The following ITPR1 variants were observed in gnomAD, a reference collection of about 807,000 sequenced individuals.
ITPR1 encodes the protein inositol 1,4,5-trisphosphate-gated calcium channel ITPR1.
Under a neutral mutation model 318.4 loss-of-function variants are expected in ITPR1, and 96 were observed. The observed-to-expected ratio is 0.30, with a 90% CI of 0.26 to 0.36. The LOEUF is 0.36. Ranked by LOEUF, ITPR1 falls within the 10% of genes least tolerant of loss-of-function variation. The pLI is 1.00. For synonymous variants in ITPR1, 1,312 were observed against 1,289.9 expected, an observed-to-expected ratio of 1.02 and a Z score of -0.37; for missense variants, 2,440 against 3,460.2, an observed-to-expected ratio of 0.71 and a Z score of 7.40.
chr3:4,629,055 T>C (rs2092930514), intron 5 of ITPR1, among the ~76,000 whole-genome samples: 1 of 131,854 alleles, frequency 7.6e-6, no homozygotes, highest in Admixed American at 7.5e-5. Context: ...CAGTCCAGCA[T>C]GAGGACACCT....
At chr3:4,797,899 C>T (rs2047994445) in intron 53 of ITPR1, among the ~76,000 whole-genome samples, 1 of 152,164 alleles carries the variant, frequency 6.6e-6, no homozygotes, top group African/African-American at 2.4e-5. Context: ...AATCACCATG[C>T]CATTATCATA....
chr3:4,723,518 A>G (rs1304149127), intron 40 of ITPR1, among the ~76,000 whole-genome samples: 2 of 152,138 alleles, frequency 1.3e-5, no homozygotes, highest in African/African-American at 4.8e-5. Context: ...AGTTTAACAG[A>G]GGAAATAGTG....
intron 4 of ITPR1, among the ~76,000 whole-genome samples, chr3:4,525,503 T>C (rs964032706): frequency 6.6e-6 from 1 of 152,252 alleles, no homozygotes; most frequent in African/African-American, 2.4e-5. Flanking sequence ...TAACTTCCTC[T>C]GTAGGAAGAA....
intron 8 of ITPR1, among the ~76,000 whole-genome samples, chr3:4,644,913 G>A (rs2093421054): frequency 6.6e-6 from 1 of 152,156 alleles, no homozygotes; most frequent in Non-Finnish European, 1.5e-5. Context: ...AAAGGAGATT[G>A]TGCGTGTTAG....
chr3:4,563,317 G>A (rs1234273012), intron 4 of ITPR1, among the ~76,000 whole-genome samples: 1 of 152,006 alleles, frequency 6.6e-6, no homozygotes, highest in African/African-American at 2.4e-5. Flanking sequence ...AGACCAGCCC[G>A]GGCAACATAG....
intron 4 of ITPR1, among the ~76,000 whole-genome samples, chr3:4,557,740 T>C (rs1435564758): frequency 6.6e-6 from 1 of 152,184 alleles, no homozygotes; most frequent in Non-Finnish European, 1.5e-5. Context: ...TTTTTTCCTA[T>C]ATCAAAGTTA....
intron 48 of ITPR1, among the ~76,000 whole-genome samples, chr3:4,778,539 C>T (rs949852041): frequency 2.0e-5 from 3 of 152,258 alleles, no homozygotes; most frequent in East Asian, 1.9e-4. Context: ...CACTAACAGT[C>T]GATTTGGGTG....
chr3:4,656,176 C>T (rs1230464793), intron 12 of ITPR1, among the ~76,000 whole-genome samples: 1 of 152,190 alleles, frequency 6.6e-6, no homozygotes, highest in East Asian at 1.9e-4. Flanking sequence ...GTGGCAAGCG[C>T]CGACTGCACA....
At chr3:4,588,550 C>T (rs924066822) in intron 4 of ITPR1, among the ~76,000 whole-genome samples, 1 of 152,078 alleles carries the variant, frequency 6.6e-6, no homozygotes, top group Non-Finnish European at 1.5e-5. Flanking sequence ...GGGCTGGTCC[C>T]GGGCTTCGGC....
At chr3:4,741,710 T>C (rs887697187) in intron 44 of ITPR1, among the ~76,000 whole-genome samples, 1 of 152,186 alleles carries the variant, frequency 6.6e-6, no homozygotes, top group Admixed American at 6.5e-5. Flanking sequence ...GAAAGGGCAA[T>C]TTGATTTGCC....
intron 4 of ITPR1, among the ~76,000 whole-genome samples, chr3:4,527,093 C>T (rs1471380612): frequency 6.6e-6 from 1 of 152,190 alleles, no homozygotes; most frequent in East Asian, 1.9e-4. Flanking sequence ...TTTGAGATGA[C>T]AAGTTATGAG....
At chr3:4,561,481 C>T (rs2086666929) in intron 4 of ITPR1, among the ~76,000 whole-genome samples, 1 of 152,122 alleles carries the variant, frequency 6.6e-6, no homozygotes, top group Non-Finnish European at 1.5e-5. Context: ...TTTGCAAATA[C>T]ATAATTTTAT....
chr3:4,551,858 T>A (rs1302288526), intron 4 of ITPR1, among the ~76,000 whole-genome samples: 1 of 152,248 alleles, frequency 6.6e-6, no homozygotes, highest in South Asian at 2.1e-4. Flanking sequence ...TGACTACATC[T>A]CTGCTGTCTG....
intron 2 of ITPR1, among the ~76,000 whole-genome samples, chr3:4,505,942 A>G (rs959729875): frequency 2.6e-5 from 4 of 152,220 alleles, no homozygotes; most frequent in African/African-American, 9.7e-5. Flanking sequence ...TTATAAGCCT[A>G]AGAAGTTTAG....
intron 44 of ITPR1, among the ~76,000 whole-genome samples, chr3:4,757,583 C>G (rs1049612716): frequency 2.0e-5 from 3 of 152,114 alleles, no homozygotes; most frequent in Non-Finnish European, 2.9e-5. Flanking sequence ...GCTGAGGCGT[C>G]GGACAGGTGG....
At chr3:4,824,990 G>A (rs1166350253) in intron 60 of ITPR1, among the ~76,000 whole-genome samples, 1 of 152,202 alleles carries the variant, frequency 6.6e-6, no homozygotes, top group Non-Finnish European at 1.5e-5. Context: ...TTTGAGAGGT[G>A]TCAAAGTAAA....
At chr3:4,739,952 G>A (rs2043577938) in intron 44 of ITPR1, among the ~76,000 whole-genome samples, 1 of 152,148 alleles carries the variant, frequency 6.6e-6, no homozygotes, top group African/African-American at 2.4e-5. Context: ...ATGGTGACTG[G>A]GTTCTGAGAA....
chr3:4,657,994 G>A (rs561853062), intron 12 of ITPR1, 130 bp from the exon 13 acceptor site: 12 of 799,658 alleles, frequency 1.5e-5, no homozygotes, highest in Non-Finnish European at 2.4e-5. Context: ...CTCTGTAACT[G>A]TGGTCCTTTT....
At chr3:4,825,736 G>A (rs2050030957) in intron 60 of ITPR1, 1 of 456,626 alleles carries the variant, frequency 2.2e-6, no homozygotes, top group South Asian at 1.5e-5. Flanking sequence ...GGAACTGGCT[G>A]AAGTCTTACC....
Sources: gnomAD v4.1 joint callset for allele counts (sites outside exome capture counted in the v4.1 genomes callset) on GRCh38, gnomAD v4.1.1 for gene constraint, MANE v1.5 for transcripts, NCBI Gene and HGNC (gene_info 2026-07-23, HGNC 2026-07-21) for gene names.